USH1C: variants seen among roughly 807,000 people sequenced by gnomAD.
USH1C encodes the protein harmonin.
USH1C carries 90 observed loss-of-function variants against 119.3 expected under a neutral mutation model. The observed-to-expected ratio is 0.75, with a 90% CI of 0.64 to 0.90. The LOEUF (loss-of-function observed/expected upper bound fraction) is 0.90. Among genes scored for constraint, USH1C ranks in the 40% least tolerant of loss-of-function variants. The pLI is 0.00. For missense variants in USH1C, 1,165 were observed against 1,167.7 expected (o/e 1.00, Z 0.03); for synonymous variants, 465 against 443.3 (o/e 1.05, Z -0.62).
Position 17,520,870 on chromosome 11 carries a change from A to G in USH1C, c.1210T>C (p.Ser404Pro). ...VHPVPLRKPKSFGWFYRYDGK... is the reference protein window; with the variant it reads ...VHPVPLRKPKPFGWFYRYDGK... ...TCTCCCCTCGGCTCATGAAACTTAC[A>G]CTTTGGCTTGCGAAGGGGTACTGGG... Residue 404 changes from serine (S) to proline (P), a missense_variant and splice_region_variant, in exon 14 of 27, where the codon TCT (serine) becomes CCT (proline). Physicochemically the swap from Ser to Pro is moderately conservative, Grantham distance 74. Coordinates refer to ENST00000005226, the MANE Select transcript of USH1C (RefSeq NM_153676.4). 1 of 1,614,058 alleles carries G rather than the reference A, an allele frequency of 6.2e-7. No individual in the cohort carries two copies. Among genetic ancestry groups the G allele is most frequent in the Non-Finnish European group, 8.5e-7 (1 of 1,180,006 alleles).
chr11:17,524,732 C>T (rs1467590765), intron 8 of USH1C, among the ~76,000 whole-genome samples, 197 bp from the exon 9 acceptor site: 1 of 152,160 alleles, frequency 6.6e-6, no homozygotes, highest in East Asian at 1.9e-4. Context: ...TCCTACCCAA[C>T]CTCTCACCTA....
chr11:17,507,965 T>C (rs955875114), intron 18 of USH1C, among the ~76,000 whole-genome samples: 2 of 152,182 alleles, frequency 1.3e-5, no homozygotes, highest in East Asian at 3.8e-4. Flanking sequence ...GGGCAGCAGC[T>C]CATCCTTCAG....
Position 17,521,395 on chromosome 11 carries a change from C to T in USH1C, c.1036G>A (p.Ala346Thr). 1.9e-6 allele frequency: 3 copies of T among 1,614,110 alleles called. No individual in the cohort carries two copies. The highest frequency in any genetic ancestry group is 2.5e-6 in the Non-Finnish European group (3 of 1,180,006). The change falls in exon 13 of 27, where the codon GCC (alanine) becomes ACC (threonine). Residue 346 changes from alanine to threonine, a missense_variant. Coordinates refer to ENST00000005226, the MANE Select transcript of USH1C (RefSeq NM_153676.4). ...EMERQRRKEI[A>T]QKAAEENERY... ...TCATTTTCCTCTGCTGCCTTCTGGG[C>T]AATTTCTTTTCTCCTTCTGAAACAC...
At chr11:17,541,576 T>C (rs1050535887) in intron 1 of USH1C, among the ~76,000 whole-genome samples, 1 of 152,236 alleles carries the variant, frequency 6.6e-6, no homozygotes, top group African/African-American at 2.4e-5. Context: ...GTGCTGGTGC[T>C]GCGAACAGAA....
At chr11:17,510,823 T>C (rs1416258171) in intron 16 of USH1C, among the ~76,000 whole-genome samples, 2 of 152,180 alleles carry the variant, frequency 1.3e-5, no homozygotes, top group Non-Finnish European at 2.9e-5. Context: ...GCTCTTATGA[T>C]TTTCCAAGAA....
chr11:17,497,195 C>T (rs1849279377), intron 24 of USH1C, among the ~76,000 whole-genome samples: 1 of 152,144 alleles, frequency 6.6e-6, no homozygotes, highest in Non-Finnish European at 1.5e-5. Flanking sequence ...CTGGGTAATT[C>T]CGACGCACTT....
At position 17,531,542 on chromosome 11, in the gene USH1C, C is replaced by G. The variant is rs369151395; in HGVS notation, c.105G>C (p.Gln35His). 8 of 1,613,012 alleles carry G rather than the reference C, an allele frequency of 5.0e-6. No individual in the cohort carries two copies. Among genetic ancestry groups the G allele is most frequent in the Non-Finnish European group, 5.9e-6 (7 of 1,180,022 alleles). ...YLYDVLRMYHQTMDVAVLVGD... is the reference protein window; with the variant it reads ...YLYDVLRMYHHTMDVAVLVGD... ...CCACGAGCACGGCCACGTCCATGGT[C>G]CTGTGGAGATGCCGGGAATGCCTGG... Residue 35 changes from glutamine (Q) to histidine (H), a missense_variant and splice_region_variant, in exon 3 of 27, where the codon CAG becomes CAC. By Grantham distance (24) the Gln-to-His change is conservative. Coordinates refer to ENST00000005226, the MANE Select transcript of USH1C (RefSeq NM_153676.4). The surrounding 1 kb of genome is among the most constrained non-coding windows in gnomAD (Gnocchi z 4.2).
At chr11:17,504,829 A>C in intron 19 of USH1C, 132 bp from the exon 20 acceptor site, 3 of 859,174 alleles carry the variant, frequency 3.5e-6, no homozygotes, top group Non-Finnish European at 5.7e-6. Context: ...AGTCTGGCTT[A>C]CGTTAAAGGC....
intron 17 of USH1C, 30 bp downstream of exon 17, chr11:17,510,375 G>A (rs776269123): frequency 2.6e-6 from 4 of 1,560,964 alleles, no homozygotes; most frequent in Non-Finnish European, 3.5e-6. Context: ...GACAGCAGGA[G>A]GGTCTATGTG....
intron 9 of USH1C, 139 bp downstream of exon 9, chr11:17,524,312 A>G (rs1850559070): frequency 1.1e-6 from 1 of 888,606 alleles, no homozygotes; most frequent in Non-Finnish European, 1.8e-6. Flanking sequence ...CCTTCTCTGC[A>G]GGGTGGGTAG....
At chr11:17,524,413 C>CAG in intron 9 of USH1C, 38 bp downstream of exon 9, 3 of 1,553,528 alleles carry the variant, frequency 1.9e-6, no homozygotes, top group Non-Finnish European at 2.6e-6. Flanking sequence ...ACCCAATTTC[C>CAG]AGTGGGCCCC....
intron 1 of USH1C, among the ~76,000 whole-genome samples, chr11:17,543,775 C>T (rs1565077895): frequency 6.6e-6 from 1 of 152,118 alleles, no homozygotes; most frequent in Non-Finnish European, 1.5e-5. Context: ...TAAGAAACGC[C>T]CTTAGGCAGG....
chr11:17,503,703 G>A (rs1258153043), intron 20 of USH1C, among the ~76,000 whole-genome samples: 2 of 152,220 alleles, frequency 1.3e-5, no homozygotes, highest in Admixed American at 6.5e-5. Context: ...TGCAGAGACC[G>A]ACCTCCTGGA....
chr11:17,523,271 T>C lies in USH1C; in HGVS notation c.820-4A>G. On this transcript the variant is annotated splice_polypyrimidine_tract_variant and splice_region_variant and intron_variant, in intron 10 of 26. Transcript: ENST00000005226. The stretch of plus-strand genomic sequence containing the variant: ...TACTCTTCAGCACATTTACAGCCTG[T>C]GGGGACAGAAGGACAGTGGGCCGAG... 6.2e-7 allele frequency: 1 copy of C among 1,614,048 alleles called. No individual in the cohort carries two copies. Among genetic ancestry groups the C allele is most frequent in the Non-Finnish European group, 8.5e-7 (1 of 1,179,990 alleles).
chr11:17,494,434 C>T, intron 26 of USH1C, 58 bp from the exon 27 acceptor site: 2 of 1,550,656 alleles, frequency 1.3e-6, no homozygotes, highest in Non-Finnish European at 1.7e-6. Flanking sequence ...CACACTCAGC[C>T]CAGCCAGAGC....
intron 15 of USH1C, among the ~76,000 whole-genome samples, chr11:17,512,421 C>T (rs1406395732): frequency 1.3e-5 from 2 of 152,108 alleles, no homozygotes; most frequent in Non-Finnish European, 2.9e-5. Flanking sequence ...CATGAAAGAA[C>T]TTTGTAAAAG....
intron 24 of USH1C, among the ~76,000 whole-genome samples, chr11:17,497,732 A>T (rs889233984): frequency 7.2e-5 from 11 of 152,230 alleles, no homozygotes; most frequent in African/African-American, 2.7e-4. Flanking sequence ...AATCTTATGC[A>T]GTGGCCGTGA....
At chr11:17,508,284 C>G (rs1382670706) in intron 18 of USH1C, among the ~76,000 whole-genome samples, 2 of 152,190 alleles carry the variant, frequency 1.3e-5, no homozygotes, top group Non-Finnish European at 2.9e-5. Context: ...CAGAAAGGGT[C>G]CCTCTGAGAG....
chr11:17,512,482 T>G (rs1849939648), intron 15 of USH1C, among the ~76,000 whole-genome samples: 1 of 152,222 alleles, frequency 6.6e-6, no homozygotes, highest in Non-Finnish European at 1.5e-5. Context: ...GCCATATAAA[T>G]AAAGGGCATT....
Sources: gnomAD v4.1 joint callset for allele counts (sites outside exome capture counted in the v4.1 genomes callset) on GRCh38, gnomAD v4.1.1 for gene constraint, Gnocchi (gnomAD v3.1) non-coding constraint, MANE v1.5 for transcripts, NCBI Gene and HGNC (gene_info 2026-07-23, HGNC 2026-07-21) for gene names.